The following RRM2 variants were observed in gnomAD, a reference collection of about 807,000 sequenced individuals.
RRM2 encodes the protein ribonucleoside-diphosphate reductase subunit M2.
In RRM2, 6 loss-of-function variants were observed where a neutral mutation model predicts 45.9. The ratio of observed to expected loss-of-function variants is 0.13; its 90% CI spans 0.07 to 0.26. RRM2 has a LOEUF of 0.26. Among genes scored for constraint, RRM2 ranks in the 10% least tolerant of loss-of-function variants. The pLI, the probability that RRM2 is intolerant of heterozygous loss-of-function variation, is 1.00. For missense variants in RRM2, 343 were observed against 489.5 expected (o/e 0.70, Z 2.82); for synonymous variants, 177 against 173.0 (o/e 1.02, Z -0.18).
chr2:10,168,514 A>C (rs561665271), intron 3 of RRM2, among the ~76,000 whole-genome samples: 1 of 152,212 alleles, frequency 6.6e-6, no homozygotes, highest in South Asian at 2.1e-4. Context: ...TTAGTCAGAT[A>C]AGGGAAACTC....
intron 3 of RRM2, among the ~76,000 whole-genome samples, chr2:10,164,067 C>T (rs865893034): frequency 2.6e-5 from 4 of 151,580 alleles, no homozygotes; most frequent in Non-Finnish European, 4.4e-5. Flanking sequence ...CATGAGTGAA[C>T]GTGTGTGTGA....
intron 4 of RRM2, 185 bp downstream of exon 4, chr2:10,124,037 T>C (rs1662728977): frequency 3.3e-6 from 2 of 606,442 alleles, no homozygotes; most frequent in African/African-American, 3.7e-5. Flanking sequence ...TTTTCCCGAC[T>C]CTAGAGAAGC....
intron 3 of RRM2, among the ~76,000 whole-genome samples, chr2:10,182,381 A>ACC (rs1664080014): frequency 2.0e-5 from 3 of 151,176 alleles, no homozygotes; most frequent in Admixed American, 6.6e-5. Context: ...AAAAACCCAA[A>ACC]AAAAATCCCA....
chr2:10,176,843 G>A (rs766529303), intron 3 of RRM2, among the ~76,000 whole-genome samples: 4 of 152,316 alleles, frequency 2.6e-5, no homozygotes, highest in Middle Eastern at 6.8e-3. Context: ...GGTGGTCATA[G>A]GCACCTGTTT....
rs1236537203 is a variant in RRM2 at position 10,127,650 on chromosome 2, T to A, written c.798+430T>A. The stretch of plus-strand genomic sequence containing the variant: ...CCACCATGCCCAGCTAATTTTCGTC[T>A]TTTTATACAGACGGGGTTTCACCAT... On this transcript the variant is annotated intron_variant, in intron 7 of 9. Transcript: ENST00000304567. This position sits in a 1 kb window ranked among gnomAD's most constrained non-coding sequence, Gnocchi z 4.1. Among the ~76,000 whole-genome samples the A allele has an allele frequency of 2.0e-5, 3 of 151,738 alleles. No homozygotes were observed. The highest frequency in any genetic ancestry group is 4.4e-5 in the Non-Finnish European group (3 of 67,924).
Position 10,125,814 on chromosome 2 carries a change from T to C in RRM2, c.569+964T>C, listed in dbSNP as rs1572487821. On this transcript the variant is annotated intron_variant, in intron 5 of 9. Transcript: ENST00000304567. ...AGGAAAAGTGGTAACTTGAAAGGAC[T>C]GAGGAAACATTGGGAGTAAAGAGAT... Among the ~76,000 whole-genome samples, 3 of 152,288 alleles carry C rather than the reference T, an allele frequency of 2.0e-5. No individual in the cohort carries two copies. In the South Asian group the frequency reaches 6.2e-4, roughly 32 times the overall value.
chr2:10,160,369 G>A (rs1017809584), intron 3 of RRM2, among the ~76,000 whole-genome samples: 1 of 152,236 alleles, frequency 6.6e-6, no homozygotes, highest in East Asian at 1.9e-4. Flanking sequence ...CCTGCTGCCT[G>A]CACGGAGTGG....
At position 10,185,760 on chromosome 2, in the gene RRM2, C is replaced by T. The variant is rs560630321; in HGVS notation, n.483-24551C>T. On this transcript the variant is annotated intron_variant and non_coding_transcript_variant, in intron 3 of 3. Coordinates refer to the RRM2 transcript ENST00000381786. The surrounding 1 kb of genome is among the most constrained non-coding windows in gnomAD (Gnocchi z 4.3). ...TGTCCCTTTGTCTCCTTTCCCCCAC[C>T]CTTCACCTCCCCTCTCTGTTCTCCC... 2.2e-4 allele frequency among the ~76,000 whole-genome samples: 33 copies of T among 152,140 alleles called. No individual in the cohort carries two copies. The highest frequency in any genetic ancestry group is 4.4e-4 in the Non-Finnish European group (30 of 68,026).
intron 3 of RRM2, among the ~76,000 whole-genome samples, chr2:10,177,687 C>CTTCCTTCCTTCCT (rs1039516383): frequency 6.7e-6 from 1 of 150,162 alleles, no homozygotes; most frequent in African/African-American, 2.5e-5. Flanking sequence ...TCCTTCCTTC[C>CTTCCTTCCTTCCT]TTCCTTCCTT....
intron 3 of RRM2, among the ~76,000 whole-genome samples, chr2:10,182,379 A>C (rs60298476): frequency 0.017 from 1,626 of 95,944 alleles, 12 homozygotes; most frequent in Middle Eastern, 0.026. Flanking sequence ...AAAAAAACCC[A>C]AAAAAAATCC....
intron 3 of RRM2, among the ~76,000 whole-genome samples, chr2:10,208,956 C>G (rs1035123): frequency 0.39 from 59,429 of 151,964 alleles, 12,845 homozygotes; most frequent in Non-Finnish European, 0.48. Flanking sequence ...GTGCTGGATC[C>G]TGCCTGTTCA....
intron 7 of RRM2, among the ~76,000 whole-genome samples, 159 bp from the exon 8 acceptor site, chr2:10,128,689 G>T (rs1220078115): frequency 3.3e-5 from 5 of 152,212 alleles, no homozygotes; most frequent in African/African-American, 4.8e-5. Context: ...CAGCAGAGAA[G>T]TCAGTAGTTG....
chr2:10,175,434 A>G (rs115078668), intron 3 of RRM2, among the ~76,000 whole-genome samples: 12 of 152,340 alleles, frequency 7.9e-5, no homozygotes, highest in African/African-American at 2.9e-4. Context: ...ACGTTATTAA[A>G]TACATTCATA....
intron 3 of RRM2, chr2:10,142,395 C>G: frequency 7.3e-7 from 1 of 1,368,846 alleles, no homozygotes; most frequent in Non-Finnish European, 9.8e-7. Context: ...GATGGCAACT[C>G]GCACGGTGGG....
In RRM2 at chr2:10,129,351, A is replaced by G. The variant is rs780697028; in HGVS notation, c.1135A>G (p.Thr379Ala). The G allele has an allele frequency of 1.2e-6, 2 of 1,613,490 alleles. No individual in the cohort carries two copies. Residue 379 changes from threonine to alanine, a missense_variant, in exon 10 of 10, where the codon ACA becomes GCA. Transcript: ENST00000304567. This position sits in a 1 kb window ranked among gnomAD's most constrained non-coding sequence, Gnocchi z 4.8. Reference sequence around the variant, plus strand: ...GAGGATGGGAGTGATGTCAAGTCCAACAGAGAATTCTTTTACCTTGGATGC... The same window carrying G: ...GAGGATGGGAGTGATGTCAAGTCCAGCAGAGAATTCTTTTACCTTGGATGC... ...YQRMGVMSSP[T>A]ENSFTLDADF
At chr2:10,151,965 T>C (rs1663319731) in intron 3 of RRM2, among the ~76,000 whole-genome samples, 1 of 152,166 alleles carries the variant, frequency 6.6e-6, no homozygotes, top group Admixed American at 6.5e-5. Context: ...TATTTTTTTT[T>C]TGAGGCAGTG....
chr2:10,142,258 A>C, exon 3 of RRM2: 9 of 1,468,064 alleles, frequency 6.1e-6, no homozygotes, highest in Non-Finnish European at 8.3e-6. Flanking sequence ...TTCTAAGGGG[A>C]TGAGAAGCTC....
At chr2:10,191,472 G>A (rs1458665169) in intron 3 of RRM2, among the ~76,000 whole-genome samples, 1 of 152,214 alleles carries the variant, frequency 6.6e-6, no homozygotes, top group Non-Finnish European at 1.5e-5. Context: ...TGAGTAGCCA[G>A]TGGGTGAGAC....
intron 3 of RRM2, among the ~76,000 whole-genome samples, chr2:10,157,230 A>G (rs1331618940): frequency 1.3e-5 from 2 of 151,930 alleles, no homozygotes; most frequent in Non-Finnish European, 2.9e-5. Context: ...GGGTTTCACC[A>G]TGTTGGCCAG....
Sources: allele counts gnomAD v4.1 joint callset (sites outside exome capture counted in the v4.1 genomes callset), GRCh38; gene constraint gnomAD v4.1.1; non-coding constraint Gnocchi (gnomAD v3.1); transcripts MANE v1.5; gene names NCBI Gene and HGNC (gene_info 2026-07-23, HGNC 2026-07-21).